FAT3: variants seen among roughly 807,000 people sequenced by gnomAD.
FAT3 encodes the protein FAT atypical cadherin 3.
Under a neutral mutation model 310.2 loss-of-function variants are expected in FAT3, and 95 were observed. The ratio of observed to expected loss-of-function variants is 0.31; its 90% CI spans 0.26 to 0.36. The LOEUF (loss-of-function observed/expected upper bound fraction) is 0.36. Among genes scored for constraint, FAT3 ranks in the 10% least tolerant of loss-of-function variants. The probability of loss-of-function intolerance (pLI) is 1.00; values close to 1 mark genes in which losing one functional copy is unlikely to be tolerated. For synonymous variants in FAT3, 2,314 were observed against 2,192.9 expected, an observed-to-expected ratio of 1.06 and a Z score of -1.54; for missense variants, 5,408 against 5,715.6, an observed-to-expected ratio of 0.95 and a Z score of 1.74.
intron 3 of FAT3, among the ~76,000 whole-genome samples, chr11:92,561,989 G>T (rs1222497789): frequency 6.6e-6 from 1 of 152,116 alleles, no homozygotes; most frequent in Non-Finnish European, 1.5e-5. Context: ...AGGAGTATTT[G>T]TGTCTACATT....
At chr11:92,787,469 C>T (rs1440878212) in intron 7 of FAT3, among the ~76,000 whole-genome samples, 1 of 149,382 alleles carries the variant, frequency 6.7e-6, no homozygotes, top group Non-Finnish European at 1.5e-5. Flanking sequence ...GTTGGTGGCA[C>T]ATCTACACAG....
In FAT3 at chr11:92,316,635, A is replaced by G. The variant is rs776470676; in HGVS notation, c.-17-35461A>G. ...TCAGCAAAATTAAGCTGAAAAATGC[A>G]TACAAGAATAAATTGCTGCTGGAAT... On this transcript the variant is annotated intron_variant, in intron 1 of 27. Transcript: ENST00000525166. Among the ~76,000 whole-genome samples the G allele has an allele frequency of 9.3e-4, 142 of 152,334 alleles. 1 individual carries two copies. The highest frequency in any genetic ancestry group is 1.8e-3 in the Non-Finnish European group (122 of 68,032).
At chr11:92,757,921 A>G (rs1946046715) in intron 4 of FAT3, among the ~76,000 whole-genome samples, 1 of 152,168 alleles carries the variant, frequency 6.6e-6, no homozygotes, top group Non-Finnish European at 1.5e-5. Context: ...TATCTTCATA[A>G]TCTTTAGATT....
In FAT3 at chr11:92,581,196, G is replaced by A. The variant is rs150529635; in HGVS notation, c.3607+56248G>A. ...CCTACTAGGGTTACAGAGCTTTGCT[G>A]TCCTCCTTAAAGGGAGAGGAATTAT... On this transcript the variant is annotated intron_variant, in intron 3 of 27. Coordinates refer to ENST00000525166, the MANE Select transcript of FAT3 (RefSeq NM_001367949.2). 3.5e-4 allele frequency among the ~76,000 whole-genome samples: 54 copies of A among 152,140 alleles called. 1 individual carries two copies. Among genetic ancestry groups the A allele is most frequent in the African/African-American group, 1.3e-3 (54 of 41,492 alleles).
rs141883138 is a variant in FAT3 at position 92,291,080 on chromosome 11, T to TACACACACACACAC, written c.-17-60992_-17-60979dup. ...TTACTCTGCTAAATGCTTTTTATTC[T>TACACACACACACAC]ACACACACACACACACACACACACA... On this transcript the variant is annotated intron_variant, in intron 1 of 27. Coordinates refer to ENST00000525166, the MANE Select transcript of FAT3 (RefSeq NM_001367949.2). Among the ~76,000 whole-genome samples, 1,245 of 142,844 alleles carry TACACACACACACAC rather than the reference T, an allele frequency of 8.7e-3. 8 individuals are homozygous for TACACACACACACAC. Among genetic ancestry groups the TACACACACACACAC allele is most frequent in the Non-Finnish European group, 0.011 (751 of 65,894 alleles). The allele number at this position is 142,844 out of a possible 152,430, so 93.7% of individuals were successfully genotyped here.
intron 2 of FAT3, among the ~76,000 whole-genome samples, chr11:92,401,843 A>G (rs1218837916): frequency 6.6e-6 from 1 of 152,202 alleles, no homozygotes; most frequent in East Asian, 1.9e-4. Flanking sequence ...AATAAACATT[A>G]AACACAGCTC....
intron 1 of FAT3, among the ~76,000 whole-genome samples, chr11:92,237,912 A>T (rs1864497245): frequency 6.6e-6 from 1 of 152,098 alleles, no homozygotes; most frequent in Non-Finnish European, 1.5e-5. Context: ...GGAAAGAAGA[A>T]AATAGCTATG....
Position 92,704,009 on chromosome 11 carries a change from G to A in FAT3, c.3669+6564G>A, listed in dbSNP as rs562405384. On this transcript the variant is annotated intron_variant, in intron 4 of 27. Coordinates refer to ENST00000525166, the MANE Select transcript of FAT3 (RefSeq NM_001367949.2). ...TCCAAGGTCATACAACTACTTCATG[G>A]CAGTACCCAGGATAGGTCTTTCTCT... Among the ~76,000 whole-genome samples, 8 of 152,288 alleles carry A rather than the reference G, an allele frequency of 5.3e-5. No homozygotes were observed. In the South Asian group the frequency reaches 1.7e-3, roughly 32 times the overall value.
At chr11:92,649,105 C>T (rs142080542) in intron 3 of FAT3, among the ~76,000 whole-genome samples, 3 of 152,232 alleles carry the variant, frequency 2.0e-5, no homozygotes, top group Non-Finnish European at 4.4e-5. Context: ...GGAAAAGTGT[C>T]GGGGCACGTG....
At chr11:92,237,610 C>T (rs1254456922) in intron 1 of FAT3, among the ~76,000 whole-genome samples, 3 of 151,992 alleles carry the variant, frequency 2.0e-5, no homozygotes, top group Non-Finnish European at 2.9e-5. Flanking sequence ...TTCTTCCAAA[C>T]GAGAAGGCTT....
At position 92,736,580 on chromosome 11, in the gene FAT3, A is replaced by G. The variant is rs568508511; in HGVS notation, c.3670-25276A>G. Among the ~76,000 whole-genome samples the G allele has an allele frequency of 8.6e-4, 131 of 152,282 alleles. 1 individual carries two copies. Among genetic ancestry groups the G allele is most frequent in the Non-Finnish European group, 4.7e-4 (32 of 68,016 alleles). Reference sequence around the variant, plus strand: ...CCACACAAGACTGCTAGGAAAATAAATTAGTTGTAAGGGATCTATACCTTC... The same window carrying G: ...CCACACAAGACTGCTAGGAAAATAAGTTAGTTGTAAGGGATCTATACCTTC... On this transcript the variant is annotated intron_variant, in intron 4 of 27. Transcript: ENST00000525166.
At chr11:92,636,177 G>C (rs2135715510) in intron 3 of FAT3, among the ~76,000 whole-genome samples, 1 of 152,166 alleles carries the variant, frequency 6.6e-6, no homozygotes. Context: ...TGGCCAGGCT[G>C]GTCTCAAACT....
chr11:92,235,451 G>A (rs1206909542), intron 1 of FAT3, among the ~76,000 whole-genome samples: 8 of 152,120 alleles, frequency 5.3e-5, no homozygotes, highest in Non-Finnish European at 1.0e-4. Context: ...TTACCTGCGC[G>A]GGTGTCTCTT....
chr11:92,520,588 G>A (rs1953648630), intron 2 of FAT3, among the ~76,000 whole-genome samples: 1 of 152,106 alleles, frequency 6.6e-6, no homozygotes. Context: ...TCTTAAAAGT[G>A]AGATTTGATT....
At chr11:92,309,384 GCACACACA>G (rs59596533) in intron 1 of FAT3, among the ~76,000 whole-genome samples, 4,837 of 145,030 alleles carry the variant, frequency 0.033, 170 homozygotes, top group African/African-American at 0.091. Flanking sequence ...ACACACGCAT[GCACACACA>G]CACACACACA....
At chr11:92,622,729 G>A (rs1383815584) in intron 3 of FAT3, among the ~76,000 whole-genome samples, 1 of 152,152 alleles carries the variant, frequency 6.6e-6, no homozygotes, top group Non-Finnish European at 1.5e-5. Context: ...CTTTTCAATT[G>A]CACGGTCACA....
chr11:92,275,853 C>A (rs1946253633), intron 1 of FAT3, among the ~76,000 whole-genome samples: 1 of 151,976 alleles, frequency 6.6e-6, no homozygotes, highest in Non-Finnish European at 1.5e-5. Context: ...TCTAGCAACT[C>A]TCCTAGGTTA....
At chr11:92,642,841 C>T (rs1457998091) in intron 3 of FAT3, among the ~76,000 whole-genome samples, 1 of 152,174 alleles carries the variant, frequency 6.6e-6, no homozygotes, top group African/African-American at 2.4e-5. Context: ...TTAAGCATAT[C>T]CTTCTCTCCT....
chr11:92,256,420 T>G (rs1655467626), intron 1 of FAT3, among the ~76,000 whole-genome samples: 1 of 151,836 alleles, frequency 6.6e-6, no homozygotes, highest in African/African-American at 2.4e-5. Flanking sequence ...GAAAAATATA[T>G]GAAAAAATGT....
Sources: allele counts gnomAD v4.1 joint callset (sites outside exome capture counted in the v4.1 genomes callset), GRCh38; gene constraint gnomAD v4.1.1; transcripts MANE v1.5; gene names NCBI Gene and HGNC (gene_info 2026-07-23, HGNC 2026-07-21).